The following RTN1 variants were observed in gnomAD, a reference collection of about 807,000 sequenced individuals.
The protein encoded by RTN1 is reticulon 1.
RTN1 carries 25 observed loss-of-function variants against 65.5 expected under a neutral mutation model. The observed-to-expected ratio is 0.38, with a 90% CI of 0.28 to 0.53. The LOEUF is 0.53. RTN1 is among the 20% of genes least tolerant of loss of function. The pLI is 0.79. For missense variants in RTN1, 983 were observed against 1,025.4 expected, an observed-to-expected ratio of 0.96 and a Z score of 0.57; for synonymous variants, 471 against 447.6, an observed-to-expected ratio of 1.05 and a Z score of -0.66.
rs1202552195 is a variant in RTN1 at position 59,750,713 on chromosome 14, CT to C, written c.242-4233del. ...TAATATATATATTATATCTATATGT[CT>C]TTTTTTTTTTTTTTTTGAGACAGAG... On this transcript the variant is annotated intron_variant, in intron 1 of 8. Transcript: ENST00000267484. 5.4e-4 allele frequency among the ~76,000 whole-genome samples: 32 copies of C among 59,722 alleles called. 1 individual carries two copies. Among genetic ancestry groups the C allele is most frequent in the African/African-American group, 1.5e-3 (11 of 7,494 alleles). The allele number at this position is 59,722 out of a possible 152,430, so 39.2% of individuals were successfully genotyped here.
chr14:59,692,817 A>G (rs971150598), intron 3 of RTN1, among the ~76,000 whole-genome samples: 1 of 152,184 alleles, frequency 6.6e-6, no homozygotes, highest in Non-Finnish European at 1.5e-5. Flanking sequence ...AAAATAAATT[A>G]TTCTACTAAA....
At chr14:59,749,132 C>CTA (rs1226033553) in intron 1 of RTN1, among the ~76,000 whole-genome samples, 1 of 10,374 alleles carries the variant, frequency 9.6e-5, no homozygotes, top group Non-Finnish European at 2.0e-4. Context: ...ATAGATATAT[C>CTA]TATATCTATC....
intron 1 of RTN1, among the ~76,000 whole-genome samples, chr14:59,813,028 A>G (rs1886756915): frequency 6.6e-6 from 1 of 152,208 alleles, no homozygotes. Flanking sequence ...AATAAAAACA[A>G]ATGCCTCTGT....
chr14:59,701,816 A>G (rs1418439662), intron 3 of RTN1, among the ~76,000 whole-genome samples: 1 of 152,128 alleles, frequency 6.6e-6, no homozygotes, highest in Non-Finnish European at 1.5e-5. Context: ...AAAAGGGTGA[A>G]TTTTATGGTA....
chr14:59,604,091 C>A (rs1881668464), intron 5 of RTN1, 170 bp from the exon 6 acceptor site: 2 of 454,814 alleles, frequency 4.4e-6, no homozygotes, highest in African/African-American at 3.9e-5. Flanking sequence ...AGGATCCAGT[C>A]CTTAGTTCTC....
intron 1 of RTN1, among the ~76,000 whole-genome samples, chr14:59,837,720 G>T (rs946158531): frequency 6.6e-6 from 1 of 150,908 alleles, no homozygotes; most frequent in Non-Finnish European, 1.5e-5. Flanking sequence ...CCATCAAATT[G>T]ATAAAAATTA....
chr14:59,645,637 C>T (rs909585984), intron 3 of RTN1, among the ~76,000 whole-genome samples: 3 of 152,080 alleles, frequency 2.0e-5, no homozygotes, highest in African/African-American at 7.2e-5. Context: ...TTCTTGTCTC[C>T]AGGCTCTAGA....
At chr14:59,789,162 G>A (rs1886304115) in intron 1 of RTN1, among the ~76,000 whole-genome samples, 1 of 150,950 alleles carries the variant, frequency 6.6e-6, no homozygotes, top group African/African-American at 2.4e-5. Flanking sequence ...ATATTCTTTT[G>A]ATTTTTTTTA....
At chr14:59,738,838 T>C (rs562877180) in intron 2 of RTN1, among the ~76,000 whole-genome samples, 9 of 152,324 alleles carry the variant, frequency 5.9e-5, no homozygotes, top group Admixed American at 5.9e-4. Context: ...AACAGGATCA[T>C]ATTCTTCACA....
At chr14:59,749,532 T>G (rs1173507645) in intron 1 of RTN1, among the ~76,000 whole-genome samples, 9 of 60,582 alleles carry the variant, frequency 1.5e-4, no homozygotes, top group African/African-American at 1.9e-4. Context: ...TTTATATATA[T>G]CTATCTATAT....
intron 3 of RTN1, among the ~76,000 whole-genome samples, chr14:59,673,191 C>T (rs1286360918): frequency 6.6e-6 from 1 of 152,224 alleles, no homozygotes; most frequent in Non-Finnish European, 1.5e-5. Context: ...TCTGTAGCCA[C>T]TGTGTTACAG....
chr14:59,853,665 A>G (rs184484057), intron 1 of RTN1, among the ~76,000 whole-genome samples: 1 of 152,242 alleles, frequency 6.6e-6, no homozygotes, highest in East Asian at 1.9e-4. Context: ...ATCTCGAGTT[A>G]ACGAGACTTA....
intron 1 of RTN1, among the ~76,000 whole-genome samples, chr14:59,842,467 CT>C (rs891734933): frequency 2.0e-5 from 3 of 151,006 alleles, no homozygotes; most frequent in Admixed American, 6.6e-5. Flanking sequence ...ATTTGAATGA[CT>C]TTTTTTTTCA....
intron 3 of RTN1, among the ~76,000 whole-genome samples, chr14:59,694,843 A>C (rs1286267287): frequency 1.3e-5 from 2 of 152,194 alleles, no homozygotes; most frequent in African/African-American, 4.8e-5. Context: ...GAGAAGCCAC[A>C]GAAAGAAAAA....
chr14:59,665,897 T>G (rs1002178766), intron 3 of RTN1, among the ~76,000 whole-genome samples: 1 of 152,164 alleles, frequency 6.6e-6, no homozygotes, highest in Non-Finnish European at 1.5e-5. Flanking sequence ...CTAACTATCC[T>G]AAATATATAT....
intron 3 of RTN1, among the ~76,000 whole-genome samples, chr14:59,628,630 A>C (rs1594640647): frequency 6.6e-6 from 1 of 152,340 alleles, no homozygotes; most frequent in East Asian, 1.9e-4. Flanking sequence ...GCTGAGTATA[A>C]AAGATTCTCA....
intron 1 of RTN1, among the ~76,000 whole-genome samples, chr14:59,835,961 C>T (rs970081773): frequency 3.3e-5 from 5 of 152,196 alleles, no homozygotes; most frequent in African/African-American, 1.2e-4. Context: ...GGTTGCATTC[C>T]TTCTGGAGGT....
intron 3 of RTN1, among the ~76,000 whole-genome samples, chr14:59,689,721 G>T (rs892469964): frequency 6.6e-6 from 1 of 151,988 alleles, no homozygotes; most frequent in Non-Finnish European, 1.5e-5. Context: ...CTTCATAAGT[G>T]AAGGAGAGAT....
rs775037270 is a variant in RTN1, at chr14:59,868,913, A to T, written c.241+1477T>A. 2.0e-5 allele frequency among the ~76,000 whole-genome samples: 3 copies of T among 152,098 alleles called. No homozygotes were observed. Among genetic ancestry groups the T allele is most frequent in the Non-Finnish European group, 2.9e-5 (2 of 68,012 alleles). On this transcript the variant is annotated intron_variant, in intron 1 of 8. Transcript: ENST00000267484. The surrounding 1 kb of genome is among the most constrained non-coding windows in gnomAD (Gnocchi z 4.0). The stretch of plus-strand genomic sequence containing the variant: ...GCCATCTTCTTTTGCAATTATAAAG[A>T]GTTTTGTTTTCACTTGGATGCAGAA...
Sources: allele counts gnomAD v4.1 joint callset (sites outside exome capture counted in the v4.1 genomes callset), GRCh38; gene constraint gnomAD v4.1.1; non-coding constraint Gnocchi (gnomAD v3.1); transcripts MANE v1.5; gene names NCBI Gene and HGNC (gene_info 2026-07-23, HGNC 2026-07-21).